MYO1B: variants seen among roughly 807,000 people sequenced by gnomAD.
MYO1B encodes the protein myosin IB, also known as unconventional myosin-Ib.
In MYO1B, 72 loss-of-function variants were observed where a neutral mutation model predicts 159.7. The ratio of observed to expected loss-of-function variants is 0.45; its 90% CI spans 0.37 to 0.55. The LOEUF (loss-of-function observed/expected upper bound fraction) is 0.55, where lower values mean the gene tolerates loss of function less well. MYO1B is among the 20% of genes least tolerant of loss of function. The pLI, the probability that MYO1B is intolerant of heterozygous loss-of-function variation, is 0.00. For synonymous variants in MYO1B, 468 were observed against 473.8 expected (o/e 0.99, Z 0.16); for missense variants, 1,062 against 1,364.8 (o/e 0.78, Z 3.50).
intron 8 of MYO1B, 83 bp from the exon 9 acceptor site, chr2:191,362,185 G>A: frequency 9.6e-7 from 1 of 1,043,336 alleles, no homozygotes; most frequent in Non-Finnish European, 1.5e-6. Context: ...TGTTACCGAT[G>A]TGAACAAGAT....
At position 191,341,552 on chromosome 2, in the gene MYO1B, C is replaced by T; in HGVS notation, c.438C>T (p.Asn146=). ...NQVKEQLLQS[N]PVLEAFGNAK... is the part of the protein sequence containing the mutation. ...TTAAAGAACAGCTTTTACAGTCCAA[C>T]CCGGTCCTGGAAGGTAGGATGTGTT... The change falls in exon 5 of 31, where the codon AAC becomes AAT. Residue 146 remains asparagine, a synonymous_variant. Coordinates refer to ENST00000392318, the MANE Select transcript of MYO1B (RefSeq NM_001130158.3). The T allele has an allele frequency of 6.2e-7, 1 of 1,613,530 alleles. No individual in the cohort carries two copies. Among genetic ancestry groups the T allele is most frequent in the Non-Finnish European group, 8.5e-7 (1 of 1,179,724 alleles).
rs1247548988 is a variant in MYO1B, at chr2:191,364,196, T to G, written c.952T>G (p.Ser318Ala). 1 of 1,613,942 alleles carries G rather than the reference T, an allele frequency of 6.2e-7. No homozygotes were observed. The highest frequency in any genetic ancestry group is 8.5e-7 in the Non-Finnish European group (1 of 1,179,876). The stretch of plus-strand genomic sequence containing the variant: ...TTGTGAATTGACCGGCATTGATCAA[T>G]CAGTTCTAGAACGAGCATTCAGTTT... Reference protein sequence around the residue: ...EICELTGIDQSVLERAFSFRT... With the variant: ...EICELTGIDQAVLERAFSFRT... The change falls in exon 11 of 31, where the codon TCA becomes GCA. Residue 318 changes from serine (S) to alanine (A), a missense_variant. Coordinates refer to ENST00000392318, the MANE Select transcript of MYO1B (RefSeq NM_001130158.3).
Position 191,416,250 on chromosome 2 carries a change from C to A in MYO1B, c.3287+8C>A. 1 of 1,613,978 alleles carries A rather than the reference C, an allele frequency of 6.2e-7. No homozygotes were observed. Among genetic ancestry groups the A allele is most frequent in the South Asian group, 1.1e-5 (1 of 91,018 alleles). ...TATTGAGATTTCCGATGAGTACGTT[C>A]ATGTATTGTTTGAAAACCCTTTTTC... is the stretch of plus-strand genomic sequence containing the variant. On this transcript the variant is annotated splice_region_variant and intron_variant, in intron 30 of 30. Coordinates refer to ENST00000392318, the MANE Select transcript of MYO1B (RefSeq NM_001130158.3).
intron 24 of MYO1B, among the ~76,000 whole-genome samples, chr2:191,403,481 A>G (rs1213196948): frequency 1.3e-5 from 2 of 152,178 alleles, no homozygotes; most frequent in East Asian, 3.8e-4. Flanking sequence ...AGCCATCCAT[A>G]TTGCCTTTTT....
intron 3 of MYO1B, among the ~76,000 whole-genome samples, chr2:191,324,955 A>C (rs1690957396): frequency 6.6e-6 from 1 of 152,178 alleles, no homozygotes; most frequent in African/African-American, 2.4e-5. Context: ...ACAATTATAG[A>C]TATAAAGATA....
intron 2 of MYO1B, among the ~76,000 whole-genome samples, chr2:191,286,388 T>A (rs866119814): frequency 2.0e-5 from 3 of 151,014 alleles, no homozygotes; most frequent in South Asian, 2.1e-4. Context: ...ATTTGGGAAA[T>A]CTTACAGATG....
At position 191,296,204 on chromosome 2, in the gene MYO1B, T is replaced by C; in HGVS notation, c.229T>C (p.Phe77Leu). 6.2e-7 allele frequency: 1 copy of C among 1,608,046 alleles called. No homozygotes were observed. Among genetic ancestry groups the C allele is most frequent in the Non-Finnish European group, 8.5e-7 (1 of 1,175,726 alleles). ...AGTGGAAGAATACAGGAACAGAAAT[T>C]TTTATGAACTGAGCCCTCACATGTA... ...EKVEEYRNRNFYELSPHIFAL... is the reference protein window; with the variant it reads ...EKVEEYRNRNLYELSPHIFAL... Residue 77 changes from phenylalanine to leucine, a missense_variant, in exon 3 of 31, where the codon TTT becomes CTT. Physicochemically the swap from Phe to Leu is conservative, Grantham distance 22. This residue lies in a region of MYO1B where 415 missense variants were observed against 544.0 expected (regional missense o/e 0.76). Coordinates refer to ENST00000392318, the MANE Select transcript of MYO1B (RefSeq NM_001130158.3).
At chr2:191,334,077 C>A (rs746108555) in intron 4 of MYO1B, among the ~76,000 whole-genome samples, 1 of 150,440 alleles carries the variant, frequency 6.6e-6, no homozygotes, top group Non-Finnish European at 1.5e-5. Flanking sequence ...TTCATTCTTA[C>A]ATTCTTTAGC....
At chr2:191,312,935 G>A (rs1200549683) in intron 3 of MYO1B, among the ~76,000 whole-genome samples, 1 of 152,176 alleles carries the variant, frequency 6.6e-6, no homozygotes, top group African/African-American at 2.4e-5. Context: ...CCACCTATTG[G>A]AAATGAAACT....
intron 7 of MYO1B, 46 bp from the exon 8 acceptor site, chr2:191,360,582 ATTT>A (rs1362903675): frequency 2.6e-6 from 3 of 1,167,276 alleles, no homozygotes; most frequent in Non-Finnish European, 3.7e-6. Context: ...AGCATGGTGG[ATTT>A]GGAAGTGAAA....
intron 19 of MYO1B, 37 bp from the exon 20 acceptor site, chr2:191,393,036 A>G (rs780115809): frequency 2.5e-6 from 4 of 1,591,034 alleles, no homozygotes; most frequent in Admixed American, 1.7e-5. Context: ...GAGGTTTCAG[A>G]GGATTTTTGA....
chr2:191,260,649 T>G (rs984270568), intron 1 of MYO1B, among the ~76,000 whole-genome samples: 2 of 152,202 alleles, frequency 1.3e-5, no homozygotes, highest in Non-Finnish European at 2.9e-5. Context: ...AGAGTGATAT[T>G]CCTTTTCAGA....
chr2:191,416,285 T>C (rs751413933), intron 30 of MYO1B, 43 bp downstream of exon 30: 1 of 1,612,030 alleles, frequency 6.2e-7, no homozygotes, highest in East Asian at 2.2e-5. Flanking sequence ...CTCTTTCAGC[T>C]TTTTTGTTTT....
chr2:191,413,969 A>G (rs2126176532), intron 27 of MYO1B, 79 bp from the exon 28 acceptor site: 1 of 1,448,246 alleles, frequency 6.9e-7, no homozygotes, highest in South Asian at 1.5e-5. Context: ...ACTCCTTAGA[A>G]TCAACTGACC....
intron 2 of MYO1B, among the ~76,000 whole-genome samples, chr2:191,285,687 G>A (rs534677675): frequency 6.6e-6 from 1 of 152,316 alleles, no homozygotes; most frequent in African/African-American, 2.4e-5. Flanking sequence ...CTTTGAAGTG[G>A]ACAGCCGATG....
chr2:191,392,311 C>T, intron 19 of MYO1B, 110 bp downstream of exon 19: 1 of 687,338 alleles, frequency 1.5e-6, no homozygotes, highest in Non-Finnish European at 2.4e-6. Context: ...ATGAATGCCA[C>T]AAAACACTTG....
chr2:191,343,656 A>G (rs1016740777), intron 5 of MYO1B, among the ~76,000 whole-genome samples: 36 of 152,076 alleles, frequency 2.4e-4, no homozygotes, highest in Non-Finnish European at 8.8e-5. Context: ...GTATTTCTGC[A>G]TATGTTTATT....
intron 17 of MYO1B, among the ~76,000 whole-genome samples, chr2:191,389,179 C>T (rs559726199): frequency 1.3e-5 from 2 of 152,280 alleles, no homozygotes; most frequent in South Asian, 4.1e-4. Context: ...AAAGAGTAGA[C>T]ATTATTTTTA....
At chr2:191,390,945 A>G (rs563243836) in intron 18 of MYO1B, among the ~76,000 whole-genome samples, 2 of 152,368 alleles carry the variant, frequency 1.3e-5, no homozygotes, top group Non-Finnish European at 2.9e-5. Context: ...CAGTGTCAGC[A>G]TTACTGCTAG....
Sources: allele counts gnomAD v4.1 joint callset (sites outside exome capture counted in the v4.1 genomes callset), GRCh38; gene constraint gnomAD v4.1.1; regional missense constraint gnomAD v4.1.1; transcripts MANE v1.5; gene names NCBI Gene and HGNC (gene_info 2026-07-23, HGNC 2026-07-21).